The following ANKS1A variants were observed in gnomAD, a reference collection of about 807,000 sequenced individuals.
ANKS1A encodes the protein ankyrin repeat and SAM domain-containing protein 1A.
In ANKS1A, 55 loss-of-function variants were observed where a neutral mutation model predicts 120.3. The ratio of observed to expected loss-of-function variants is 0.46; its 90% CI spans 0.37 to 0.57. ANKS1A has a LOEUF of 0.57. Ranked by LOEUF, ANKS1A falls within the 20% of genes least tolerant of loss-of-function variation. The pLI is 0.00. For missense variants in ANKS1A, 1,123 were observed against 1,480.3 expected (o/e 0.76, Z 3.96); for synonymous variants, 590 against 604.7 (o/e 0.98, Z 0.36).
At chr6:34,980,219 C>T (rs1229904101) in intron 3 of ANKS1A, among the ~76,000 whole-genome samples, 2 of 152,266 alleles carry the variant, frequency 1.3e-5, no homozygotes, top group African/African-American at 4.8e-5. Context: ...AGGCTGTTGG[C>T]ACTTTCCTGA....
rs916070031 is a variant in ANKS1A at position 35,084,311 on chromosome 6, C to T, written c.3132+53C>T. 82 of 1,598,068 alleles carry T rather than the reference C, an allele frequency of 5.1e-5. No homozygotes were observed. Among genetic ancestry groups the T allele is most frequent in the Non-Finnish European group, 5.9e-5 (69 of 1,173,186 alleles). ...GCAGGCTTGGGTTGCAGCCCTGAGG[C>T]GTCCAGCCCCATTGCAGGGCACAGA... On this transcript the variant is annotated intron_variant, in intron 21 of 23. Coordinates refer to ENST00000360359, the MANE Select transcript of ANKS1A (RefSeq NM_015245.3). This position sits in a 1 kb window ranked among gnomAD's most constrained non-coding sequence, Gnocchi z 4.8.
chr6:35,076,280 A>G (rs2494097), intron 13 of ANKS1A, among the ~76,000 whole-genome samples: 121,805 of 151,682 alleles, frequency 0.8, 49,798 homozygotes, highest in South Asian at 0.92. Context: ...AAAATTAGCC[A>G]GGTGTGGTGG....
In ANKS1A at chr6:35,085,616, T is replaced by TAAAGGAGGG. The variant is rs922363964; in HGVS notation, c.3133-138_3133-130dup. On this transcript the variant is annotated intron_variant, in intron 21 of 23. Coordinates refer to ENST00000360359, the MANE Select transcript of ANKS1A (RefSeq NM_015245.3). This position sits in a 1 kb window ranked among gnomAD's most constrained non-coding sequence, Gnocchi z 4.7. The stretch of plus-strand genomic sequence containing the variant: ...AAGAACAACAGAGACCTAGGAAGAG[T>TAAAGGAGGG]AAAGGAGGGAAAGGAGGGAAGAGTG... 2.8e-5 allele frequency: 16 copies of TAAAGGAGGG among 568,832 alleles called. No homozygotes were observed. In the South Asian group the frequency reaches 3.7e-4, roughly 13 times the overall value. The allele number at this position is 568,832 out of a possible 1,614,324, so 35.2% of individuals were successfully genotyped here. A position where few individuals can be genotyped will look rare whatever the true frequency, so the allele number is the denominator to read the frequency against.
chr6:35,016,463 AT>A (rs1774009699), intron 10 of ANKS1A, among the ~76,000 whole-genome samples: 1 of 152,186 alleles, frequency 6.6e-6, no homozygotes, highest in South Asian at 2.1e-4. Flanking sequence ...AAAATCTTTA[AT>A]GGGGCTGAGT....
Position 34,981,926 on chromosome 6 carries a change from G to T in ANKS1A, c.672G>T (p.Arg224Ser). The change falls in exon 4 of 24, where the codon AGG becomes AGT. Residue 224 changes from arginine to serine, a missense_variant. Physicochemically the swap from Arg to Ser is moderately radical, Grantham distance 110 (BLOSUM62 -1). This residue lies in a region of ANKS1A where 146 missense variants were observed against 267.8 expected (regional missense o/e 0.55). Transcript: ENST00000360359. ...KKHTPLHLAA[R>S]NGHKAVVQVL... ...ACACCCCTCTGCACTTGGCAGCAAG[G>T]AATGGCCACAAAGCCGTGGTCCAGG... 1 of 1,614,174 alleles carries T rather than the reference G, an allele frequency of 6.2e-7. No homozygotes were observed. Among genetic ancestry groups the T allele is most frequent in the Non-Finnish European group, 8.5e-7 (1 of 1,180,036 alleles).
Position 34,981,674 on chromosome 6 carries a change from C to T in ANKS1A, c.436-16C>T, listed in dbSNP as rs3817473. On this transcript the variant is annotated splice_polypyrimidine_tract_variant and intron_variant, in intron 3 of 23. Coordinates refer to ENST00000360359, the MANE Select transcript of ANKS1A (RefSeq NM_015245.3). ...CCAGTGACCTTTCTGATGTGATCTG[C>T]TTGTTAACCCTTTAGAACAATGACA... 1,095,275 of 1,610,762 alleles carry T rather than the reference C, an allele frequency of 0.68. 390,700 individuals carry two copies. The highest frequency in any genetic ancestry group is 0.74 in the Non-Finnish European group (865,956 of 1,177,612).
At chr6:34,973,356 CAA>C (rs1373588357) in intron 3 of ANKS1A, among the ~76,000 whole-genome samples, 1 of 152,216 alleles carries the variant, frequency 6.6e-6, no homozygotes, top group Non-Finnish European at 1.5e-5. Context: ...GAGGCTGGGA[CAA>C]AGAGTAGTCT....
rs886268576 is a variant in ANKS1A at position 35,082,025 on chromosome 6, T to G, written c.2710-666T>G. On this transcript the variant is annotated intron_variant, in intron 17 of 23. Transcript: ENST00000360359. This position sits in a 1 kb window ranked among gnomAD's most constrained non-coding sequence, Gnocchi z 4.1. The stretch of plus-strand genomic sequence containing the variant: ...ACAGCCATGAGTTTTAAAGGATTTT[T>G]AAACACATTGTCCAGCAATTCCGGT... Among the ~76,000 whole-genome samples, 2 of 152,238 alleles carry G rather than the reference T, an allele frequency of 1.3e-5. No individual in the cohort carries two copies. Among genetic ancestry groups the G allele is most frequent in the Non-Finnish European group, 2.9e-5 (2 of 68,038 alleles).
intron 1 of ANKS1A, among the ~76,000 whole-genome samples, chr6:34,913,337 G>C (rs963320314): frequency 6.6e-6 from 1 of 152,142 alleles, no homozygotes; most frequent in South Asian, 2.1e-4. Context: ...AGGGTTGTTT[G>C]TTTGTTTGTG....
chr6:35,023,699 T>C, intron 11 of ANKS1A: 1 of 363,622 alleles, frequency 2.8e-6, no homozygotes, highest in South Asian at 2.5e-5. Context: ...GTAGAGAGAT[T>C]CGACCAATTA....
At chr6:34,986,721 G>A (rs368799698) in intron 8 of ANKS1A, among the ~76,000 whole-genome samples, 29 of 152,208 alleles carry the variant, frequency 1.9e-4, no homozygotes, top group Admixed American at 1.6e-3. Flanking sequence ...GGAAAGGCCC[G>A]CAGTCTAGTG....
intron 14 of ANKS1A, 35 bp downstream of exon 14, chr6:35,078,691 C>T (rs376568555): frequency 2.2e-5 from 35 of 1,590,182 alleles, no homozygotes; most frequent in Admixed American, 6.7e-5. Flanking sequence ...TCAGCCCGTG[C>T]GGAGCCAGGG....
chr6:34,973,885 T>TCCCCTTCCCTTCCCCTTCCCTTC (rs1306140579), intron 3 of ANKS1A, among the ~76,000 whole-genome samples: 1 of 40,630 alleles, frequency 2.5e-5, no homozygotes, highest in African/African-American at 1.5e-4. Flanking sequence ...CCCTTCCCCT[T>TCCCCTTCCCTTCCCCTTCCCTTC]CACTTCCCCT....
chr6:34,891,764 G>A (rs1201336113), intron 1 of ANKS1A, among the ~76,000 whole-genome samples: 1 of 152,184 alleles, frequency 6.6e-6, no homozygotes. Context: ...AAGTAGCTGG[G>A]ACTACAGGCA....
chr6:34,959,623 G>A (rs771839799), intron 1 of ANKS1A, among the ~76,000 whole-genome samples: 1 of 152,244 alleles, frequency 6.6e-6, no homozygotes. Context: ...GTGCAATCAG[G>A]AAAGATGTGG....
Position 35,086,346 on chromosome 6 carries a change from C to T in ANKS1A, c.3303+410C>T, listed in dbSNP as rs1282506250. On this transcript the variant is annotated intron_variant, in intron 22 of 23. Transcript: ENST00000360359. This position sits in a 1 kb window ranked among gnomAD's most constrained non-coding sequence, Gnocchi z 5.1. ...CACCGTCCTTCCTACCTACCGCTGC[C>T]ATCTGTTAGTCCTGGAGTCAAGGTC... The T allele has an allele frequency of 7.7e-7, 1 of 1,298,880 alleles. No homozygotes were observed. The highest frequency in any genetic ancestry group is 1.0e-6 in the Non-Finnish European group (1 of 995,356). 80.5% of individuals were successfully genotyped at this position (1,298,880 alleles called of 1,614,324 possible).
chr6:35,034,356 A>G (rs1013891245), intron 11 of ANKS1A, among the ~76,000 whole-genome samples: 2 of 152,186 alleles, frequency 1.3e-5, no homozygotes, highest in African/African-American at 2.4e-5. Context: ...ATAGTGTGGG[A>G]TCAGCTATCC....
intron 1 of ANKS1A, among the ~76,000 whole-genome samples, chr6:34,929,048 G>A (rs1768848314): frequency 6.6e-6 from 1 of 152,174 alleles, no homozygotes; most frequent in African/African-American, 2.4e-5. Context: ...ATGGAAAAGT[G>A]AGCAGGTATA....
At chr6:34,955,139 CTTTTCTTTTTT>C (rs1374419028) in intron 1 of ANKS1A, among the ~76,000 whole-genome samples, 1 of 105,948 alleles carries the variant, frequency 9.4e-6, no homozygotes, top group Non-Finnish European at 1.7e-5. Context: ...TTTTTCTTTT[CTTTTCTTTTTT>C]TTTTGAGACA....
Sources: allele counts gnomAD v4.1 joint callset (sites outside exome capture counted in the v4.1 genomes callset), GRCh38; gene constraint gnomAD v4.1.1; regional missense constraint gnomAD v4.1.1; non-coding constraint Gnocchi (gnomAD v3.1); transcripts MANE v1.5; gene names NCBI Gene and HGNC (gene_info 2026-07-23, HGNC 2026-07-21).